Variants in ITPK1 observed in about 807,000 individuals in gnomAD.
ITPK1 encodes the protein inositol 1,3,4-trisphosphate 5/6-kinase.
ITPK1 carries 21 observed loss-of-function variants against 45.3 expected under a neutral mutation model. That is an observed-to-expected ratio of 0.46 (90% CI 0.33 to 0.67). The LOEUF (loss-of-function observed/expected upper bound fraction) is 0.67, where lower values mean the gene tolerates loss of function less well. Among genes scored for constraint, ITPK1 ranks in the 30% least tolerant of loss-of-function variants. The probability of loss-of-function intolerance (pLI) is 0.02; values close to 1 mark genes in which losing one functional copy is unlikely to be tolerated. For synonymous variants in ITPK1, 258 were observed against 253.6 expected, an observed-to-expected ratio of 1.02 and a Z score of -0.16; for missense variants, 474 against 573.5, an observed-to-expected ratio of 0.83 and a Z score of 1.77.
chr14:92,974,555 A>G (rs1885834440), intron 5 of ITPK1, among the ~76,000 whole-genome samples: 1 of 152,214 alleles, frequency 6.6e-6, no homozygotes, highest in African/African-American at 2.4e-5. Context: ...GCATACATGT[A>G]GGACACAGAG....
chr14:93,020,615 G>A (rs918716024), intron 3 of ITPK1, among the ~76,000 whole-genome samples: 6 of 152,156 alleles, frequency 3.9e-5, no homozygotes, highest in Admixed American at 1.3e-4. Flanking sequence ...GGATTGCACC[G>A]TAACCCCAGT....
chr14:93,088,323 C>A (rs897513275), intron 2 of ITPK1, among the ~76,000 whole-genome samples: 1 of 141,884 alleles, frequency 7.0e-6, no homozygotes, highest in African/African-American at 2.8e-5. Context: ...TGCATCTTTT[C>A]TTTTTTGGTT....
intron 2 of ITPK1, among the ~76,000 whole-genome samples, chr14:93,095,817 A>G (rs1408757476): frequency 6.6e-6 from 1 of 151,580 alleles, no homozygotes; most frequent in East Asian, 1.9e-4. Context: ...CCCAAGGTTT[A>G]GTTCCCATCT....
At chr14:92,987,702 A>AC (rs1212253334) in intron 5 of ITPK1, among the ~76,000 whole-genome samples, 1 of 151,920 alleles carries the variant, frequency 6.6e-6, no homozygotes, top group Non-Finnish European at 1.5e-5. Context: ...AAGGTTCCAC[A>AC]CCCCCCATCT....
At chr14:93,066,456 G>A in intron 3 of ITPK1, 1 of 330,096 alleles carries the variant, frequency 3.0e-6, no homozygotes. Context: ...ACAGGCTAGA[G>A]TTCAGTGGCG....
chr14:93,073,308 G>T (rs557544642), intron 3 of ITPK1, among the ~76,000 whole-genome samples: 2 of 152,318 alleles, frequency 1.3e-5, no homozygotes, highest in South Asian at 2.1e-4. Flanking sequence ...GGTGGGAGGA[G>T]GAACGAGGTG....
chr14:92,937,425 C>G lies in ITPK1; in HGVS notation c.*4136G>C, dbSNP rs1002173793. The G allele has an allele frequency of 2.0e-5, 3 of 152,028 alleles. No homozygotes were observed. Among genetic ancestry groups the G allele is most frequent in the African/African-American group, 4.8e-5 (2 of 41,360 alleles). 9.4% of individuals were successfully genotyped at this position (152,028 alleles called of 1,614,324 possible). A position where few individuals can be genotyped will look rare whatever the true frequency, so the allele number is the denominator to read the frequency against. On this transcript the variant is annotated 3_prime_UTR_variant, in exon 11 of 11. Transcript: ENST00000267615. ...GGGTCGGCCAGGCTGCAGGAGGGGA[C>G]AGTCCCTCCACACCACCAGGTCACA...
intron 2 of ITPK1, among the ~76,000 whole-genome samples, chr14:93,097,303 T>G (rs553503505): frequency 2.0e-5 from 3 of 152,220 alleles, no homozygotes; most frequent in Non-Finnish European, 4.4e-5. Flanking sequence ...GGTCTTGTTT[T>G]GGCCAACAAA....
At chr14:93,038,254 C>G (rs1170478989) in intron 3 of ITPK1, among the ~76,000 whole-genome samples, 1 of 152,050 alleles carries the variant, frequency 6.6e-6, no homozygotes, top group Non-Finnish European at 1.5e-5. Flanking sequence ...AGGCTGGTCT[C>G]AAACTCCTGA....
At chr14:93,020,625 T>G (rs1888417842) in intron 3 of ITPK1, among the ~76,000 whole-genome samples, 1 of 152,160 alleles carries the variant, frequency 6.6e-6, no homozygotes. Context: ...GTAACCCCAG[T>G]TATGATGCTG....
chr14:92,945,083 T>A (rs1160584269), intron 10 of ITPK1, among the ~76,000 whole-genome samples: 1 of 152,232 alleles, frequency 6.6e-6, no homozygotes, highest in African/African-American at 2.4e-5. Context: ...AGGAGCCCGC[T>A]GACCGCCCGC....
At chr14:93,019,220 C>A (rs960850502) in intron 3 of ITPK1, among the ~76,000 whole-genome samples, 1 of 152,212 alleles carries the variant, frequency 6.6e-6, no homozygotes, top group African/African-American at 2.4e-5. Flanking sequence ...CCCACAGAAC[C>A]CCCATGCCCA....
intron 3 of ITPK1, among the ~76,000 whole-genome samples, chr14:93,053,814 C>G (rs1219528443): frequency 6.6e-6 from 1 of 152,204 alleles, no homozygotes; most frequent in Non-Finnish European, 1.5e-5. Flanking sequence ...AAAATAGAGT[C>G]TATTAAAAAT....
intron 3 of ITPK1, among the ~76,000 whole-genome samples, chr14:93,053,827 A>G (rs1566758454): frequency 1.3e-5 from 2 of 152,138 alleles, no homozygotes; most frequent in South Asian, 2.1e-4. Context: ...TTAAAAATCA[A>G]TCTCCCAGGT....
rs973976130 is a variant in ITPK1, at chr14:92,940,153, C to T, written c.*1408G>A. ...GCCGAAGGACCTCCATGCACTGGCT[C>T]GGGGGCCTCTCTCGGGACACTCAGC... On this transcript the variant is annotated 3_prime_UTR_variant, in exon 11 of 11. Coordinates refer to ENST00000267615, the MANE Select transcript of ITPK1 (RefSeq NM_014216.6). 11 of 985,672 alleles carry T rather than the reference C, an allele frequency of 1.1e-5. No individual in the cohort carries two copies. Among genetic ancestry groups the T allele is most frequent in the Middle Eastern group, 5.2e-4 (1 of 1,938 alleles). The allele number at this position is 985,672 out of a possible 1,614,324, so 61.1% of individuals were successfully genotyped here.
intron 6 of ITPK1, 23 bp from the exon 7 acceptor site, chr14:92,962,418 CAGAG>C: frequency 7.0e-6 from 11 of 1,582,534 alleles, no homozygotes; most frequent in Non-Finnish European, 9.6e-6. Flanking sequence ...GAGAGAAAAG[CAGAG>C]AGAAATTAGT....
chr14:93,077,090 C>A (rs1405395154), intron 2 of ITPK1, among the ~76,000 whole-genome samples: 2 of 152,210 alleles, frequency 1.3e-5, no homozygotes, highest in African/African-American at 4.8e-5. Flanking sequence ...GGGAGGCCCA[C>A]ACAGTCCTGC....
chr14:92,962,674 TA>T (rs1194418552), intron 6 of ITPK1, 76 bp downstream of exon 6: 15 of 1,149,808 alleles, frequency 1.3e-5, no homozygotes, highest in Non-Finnish European at 2.0e-5. Context: ...CAGAGGGCAC[TA>T]TAAACCCAGC....
intron 3 of ITPK1, among the ~76,000 whole-genome samples, chr14:93,043,096 C>T (rs1381889546): frequency 1.3e-5 from 2 of 152,156 alleles, no homozygotes; most frequent in African/African-American, 4.8e-5. Flanking sequence ...CAGCTCCCCA[C>T]CGAGGCCCAC....
Sources: allele counts gnomAD v4.1 joint callset (sites outside exome capture counted in the v4.1 genomes callset), GRCh38; gene constraint gnomAD v4.1.1; transcripts MANE v1.5; gene names NCBI Gene and HGNC (gene_info 2026-07-23, HGNC 2026-07-21).